Variants in CLUL1 observed in about 807,000 individuals in gnomAD.
CLUL1 encodes the protein clusterin like 1, also known as clusterin-like protein 1.
A neutral mutation model predicts 49.4 loss-of-function variants in CLUL1; 43 were observed. That is an observed-to-expected ratio of 0.87 (90% CI 0.68 to 1.12). CLUL1 has a LOEUF of 1.12. CLUL1 is among the 50% of genes most tolerant of loss of function. The pLI is 0.00. For synonymous variants in CLUL1, 192 were observed against 184.9 expected, an observed-to-expected ratio of 1.04 and a Z score of -0.31; for missense variants, 486 against 544.4, an observed-to-expected ratio of 0.89 and a Z score of 1.07.
At chr18:642,386 C>T (rs1156602681) in intron 8 of CLUL1, among the ~76,000 whole-genome samples, 4 of 152,110 alleles carry the variant, frequency 2.6e-5, no homozygotes, top group Admixed American at 6.6e-5. Context: ...GAGCTGAGAT[C>T]GTGCCACTGC....
intron 6 of CLUL1, among the ~76,000 whole-genome samples, chr18:630,714 G>C (rs1250375611): frequency 9.7e-6 from 1 of 103,344 alleles, no homozygotes; most frequent in Non-Finnish European, 1.7e-5. Flanking sequence ...TTGAGACAGA[G>C]TCTCGCTCTG....
At chr18:599,052 A>G (rs192546934) in intron 1 of CLUL1, among the ~76,000 whole-genome samples, 60 of 152,378 alleles carry the variant, frequency 3.9e-4, no homozygotes, top group African/African-American at 1.4e-3. Context: ...AAATACCTCT[A>G]CAATACATAA....
At chr18:616,776 A>C in intron 2 of CLUL1, 1 of 831,262 alleles carries the variant, frequency 1.2e-6, no homozygotes, top group Non-Finnish European at 1.5e-6. Context: ...TAAATACACT[A>C]TATTAATAAG....
intron 4 of CLUL1, among the ~76,000 whole-genome samples, chr18:620,580 GCA>G (rs960469471): frequency 4.6e-5 from 7 of 152,124 alleles, no homozygotes; most frequent in Non-Finnish European, 1.0e-4. Flanking sequence ...ATACAGTTGG[GCA>G]CACACAGTAT....
chr18:645,157 GA>G, intron 9 of CLUL1, 60 bp downstream of exon 9: 1 of 1,318,866 alleles, frequency 7.6e-7, no homozygotes, highest in Non-Finnish European at 1.0e-6. Flanking sequence ...TCTCAAAAGG[GA>G]AAAACAAAAC....
intron 1 of CLUL1, among the ~76,000 whole-genome samples, chr18:601,707 G>T (rs1272412435): frequency 1.3e-5 from 2 of 151,912 alleles, no homozygotes; most frequent in Non-Finnish European, 2.9e-5. Context: ...TACCTGGAAG[G>T]CTGAGGCAGG....
chr18:646,767 T>G (rs1169424041), intron 9 of CLUL1, among the ~76,000 whole-genome samples: 1 of 151,632 alleles, frequency 6.6e-6, no homozygotes, highest in Non-Finnish European at 1.5e-5. Flanking sequence ...TTTTTTTTTT[T>G]GAGACAGAGT....
chr18:645,121 ATGCCTTG>A, intron 9 of CLUL1, 24 bp downstream of exon 9: 1 of 1,536,618 alleles, frequency 6.5e-7, no homozygotes. Flanking sequence ...CTGGTTAGGA[ATGCCTTG>A]TTGACAGGAA....
chr18:645,555 G>A (rs1462122724), intron 9 of CLUL1, among the ~76,000 whole-genome samples: 3 of 151,674 alleles, frequency 2.0e-5, no homozygotes, highest in African/African-American at 7.3e-5. Context: ...CAGCACTTTG[G>A]GAGGCTGAGG....
chr18:639,701 G>T (rs1253545051), intron 7 of CLUL1, among the ~76,000 whole-genome samples: 1 of 152,026 alleles, frequency 6.6e-6, no homozygotes, highest in Non-Finnish European at 1.5e-5. Flanking sequence ...GGAAGCAGAG[G>T]TTGCAGTGAG....
intron 1 of CLUL1, among the ~76,000 whole-genome samples, chr18:605,245 C>G (rs2072938817): frequency 6.6e-6 from 1 of 152,214 alleles, no homozygotes; most frequent in African/African-American, 2.4e-5. Context: ...TACTATTAAG[C>G]ATTCTTGTAT....
chr18:600,787 G>A (rs543750102), intron 1 of CLUL1, among the ~76,000 whole-genome samples: 4 of 152,252 alleles, frequency 2.6e-5, no homozygotes, highest in Admixed American at 6.5e-5. Flanking sequence ...TTTACAAAAC[G>A]CAAGATAACT....
At chr18:649,151 G>T (rs1368977705) in intron 9 of CLUL1, among the ~76,000 whole-genome samples, 1 of 151,792 alleles carries the variant, frequency 6.6e-6, no homozygotes, top group Non-Finnish European at 1.5e-5. Flanking sequence ...ATGCATTCAG[G>T]GTCCCAAACC....
chr18:643,008 G>A (rs575029021), intron 8 of CLUL1, among the ~76,000 whole-genome samples: 23 of 152,108 alleles, frequency 1.5e-4, no homozygotes, highest in Non-Finnish European at 2.2e-4. Context: ...TTAGACTTAT[G>A]GCATTCTATA....
chr18:625,113 ATTT>A, intron 5 of CLUL1, 81 bp downstream of exon 5: 2 of 1,405,800 alleles, frequency 1.4e-6, no homozygotes, highest in Non-Finnish European at 1.9e-6. Context: ...TTATGTTAAT[ATTT>A]AGAACGGAGA....
chr18:635,027 C>G (rs568218696), intron 7 of CLUL1, among the ~76,000 whole-genome samples: 1 of 152,294 alleles, frequency 6.6e-6, no homozygotes, highest in East Asian at 1.9e-4. Flanking sequence ...ACAGAAGGGA[C>G]AGAAATCAAC....
chr18:618,774 C>G lies in CLUL1; in HGVS notation c.107-439C>G, dbSNP rs760374960. 1.6e-4 allele frequency among the ~76,000 whole-genome samples: 25 copies of G among 152,140 alleles called. No individual in the cohort carries two copies. The highest frequency in any genetic ancestry group is 3.1e-4 in the Non-Finnish European group (21 of 68,036). On this transcript the variant is annotated intron_variant, in intron 3 of 9. Coordinates refer to ENST00000692774, the MANE Select transcript of CLUL1 (RefSeq NM_001393344.1). This position sits in a 1 kb window ranked among gnomAD's most constrained non-coding sequence, Gnocchi z 4.2. ...AAGGAAGCTCGTATTACATGGGATA[C>G]TTTCTAGGTCTCGTGCCTCCTTATT... is the stretch of plus-strand genomic sequence containing the variant.
chr18:645,053 A>G lies in CLUL1; in HGVS notation c.1353A>G (p.Val451=). 6.2e-7 allele frequency: 1 copy of G among 1,611,702 alleles called. No individual in the cohort carries two copies. Among genetic ancestry groups the G allele is most frequent in the Non-Finnish European group, 8.5e-7 (1 of 1,179,050 alleles). ...SAESSNFIGY[V]VAKALQHFKE... is the part of the protein sequence containing the mutation. ...AGAGTTCTAACTTCATTGGCTACGT[A>G]GTGGCAAAAGCTCTACAGCATTTTA... Residue 451 remains valine (V), a synonymous_variant, in exon 9 of 10, where the codon GTA becomes GTG. Coordinates refer to ENST00000692774, the MANE Select transcript of CLUL1 (RefSeq NM_001393344.1).
chr18:602,813 T>C (rs1231569745), intron 1 of CLUL1, among the ~76,000 whole-genome samples: 2 of 152,012 alleles, frequency 1.3e-5, no homozygotes, highest in Non-Finnish European at 2.9e-5. Context: ...GAAGGGGCAA[T>C]ATACAGCAAG....
Sources: gnomAD v4.1 joint callset for allele counts (sites outside exome capture counted in the v4.1 genomes callset) on GRCh38, gnomAD v4.1.1 for gene constraint, Gnocchi (gnomAD v3.1) non-coding constraint, MANE v1.5 for transcripts, NCBI Gene and HGNC (gene_info 2026-07-23, HGNC 2026-07-21) for gene names.